Variants in TARP observed in about 807,000 individuals in gnomAD.
chr7:38,273,495 T>TG, the TARP span: 1 of 1,050,972 alleles, frequency 9.5e-7, no homozygotes, highest in Non-Finnish European at 1.4e-6. Context: ...CCATGATTAG[T>TG]GACCAAGGAG....
chr7:38,269,199 A>T, the TARP span, among the ~76,000 whole-genome samples: 1 of 151,742 alleles, frequency 6.6e-6, no homozygotes, highest in African/African-American at 2.4e-5. Flanking sequence ...TACCTGTCAT[A>T]ATACATTTGG....
the TARP span, among the ~76,000 whole-genome samples, chr7:38,266,884 CTTGA>C: frequency 6.6e-6 from 1 of 151,688 alleles, no homozygotes; most frequent in African/African-American, 2.4e-5. Context: ...TAAATTTTTT[CTTGA>C]TTATTTTCAG....
At chr7:38,269,045 T>C in the TARP span, among the ~76,000 whole-genome samples, 1 of 151,936 alleles carries the variant, frequency 6.6e-6, no homozygotes, top group Non-Finnish European at 1.5e-5. Context: ...GAATAATCAC[T>C]CAATTTCACT....
chr7:38,269,280 T>G, the TARP span, among the ~76,000 whole-genome samples: 1 of 151,952 alleles, frequency 6.6e-6, no homozygotes, highest in Non-Finnish European at 1.5e-5. Context: ...AGTCCGTATA[T>G]GCACAAAGCC....
chr7:38,262,715 G>T, the TARP span, among the ~76,000 whole-genome samples: 3 of 151,418 alleles, frequency 2.0e-5, no homozygotes, highest in Non-Finnish European at 4.4e-5. Flanking sequence ...ATAGTACGGT[G>T]TCATCACGGC....
the TARP span, chr7:38,269,397 C>T: frequency 1.5e-6 from 1 of 655,080 alleles, no homozygotes; most frequent in Non-Finnish European, 2.7e-6. Flanking sequence ...CATCCAATTC[C>T]TCTTTTTTCT....
chr7:38,273,531 C>T, the TARP span: 58 of 1,371,850 alleles, frequency 4.2e-5, no homozygotes, highest in Non-Finnish European at 5.5e-5. Context: ...TGAGCCAGCT[C>T]CTGCCTGCCA....
At chr7:38,266,905 T>C in the TARP span, among the ~76,000 whole-genome samples, 1 of 151,882 alleles carries the variant, frequency 6.6e-6, no homozygotes, top group Non-Finnish European at 1.5e-5. Context: ...TCAGAAATAC[T>C]CTTGTGTTAA....
the TARP span, among the ~76,000 whole-genome samples, chr7:38,262,651 T>C: frequency 2.6e-5 from 4 of 151,442 alleles, no homozygotes; most frequent in Non-Finnish European, 4.4e-5. Flanking sequence ...TTTGTTTGTT[T>C]GTTTGTTTGT....
At chr7:38,268,768 G>A in the TARP span, among the ~76,000 whole-genome samples, 8 of 151,860 alleles carry the variant, frequency 5.3e-5, no homozygotes, top group East Asian at 7.7e-4. Flanking sequence ...GTGAGCTGAT[G>A]TTGATAACCT....
At chr7:38,264,651 T>C in the TARP span, among the ~76,000 whole-genome samples, 3 of 151,626 alleles carry the variant, frequency 2.0e-5, no homozygotes, top group African/African-American at 7.3e-5. Context: ...ATTATAAAAC[T>C]GTAACTTCTC....
chr7:38,268,349 A>T, the TARP span, among the ~76,000 whole-genome samples: 8 of 151,652 alleles, frequency 5.3e-5, no homozygotes, highest in Admixed American at 1.3e-4. Context: ...TATCAACTAC[A>T]GTTTTTAGAG....
chr7:38,263,990 C>T, the TARP span, among the ~76,000 whole-genome samples: 27,746 of 136,882 alleles, frequency 0.2, no homozygotes, highest in African/African-American at 0.38. Flanking sequence ...ATGAAAATGA[C>T]TATCACTTAT....
chr7:38,263,773 T>C, the TARP span, among the ~76,000 whole-genome samples: 1 of 151,834 alleles, frequency 6.6e-6, no homozygotes, highest in Non-Finnish European at 1.5e-5. Flanking sequence ...ACGGATATGA[T>C]TCTGGTGCGC....
At chr7:38,270,979 A>T in the TARP span, among the ~76,000 whole-genome samples, 1 of 150,910 alleles carries the variant, frequency 6.6e-6, no homozygotes, top group African/African-American at 2.4e-5. Context: ...AATTAGTAAG[A>T]TGTATGTATT....
chr7:38,270,032 T>C, the TARP span, among the ~76,000 whole-genome samples: 2 of 151,638 alleles, frequency 1.3e-5, no homozygotes, highest in African/African-American at 4.8e-5. Context: ...AGCCTAGGAG[T>C]TCGAGGCTGC....
At chr7:38,271,005 CCTT>C in the TARP span, among the ~76,000 whole-genome samples, 1 of 150,358 alleles carries the variant, frequency 6.7e-6, no homozygotes, top group South Asian at 2.1e-4. Context: ...ACCTTTTTCT[CCTT>C]CTTTTGAGCA....
chr7:38,265,294 T>C, the TARP span: 2 of 1,324,066 alleles, frequency 1.5e-6, no homozygotes, highest in South Asian at 1.3e-5. Context: ...AAGGAAAAAA[T>C]GCAGCATTCA....
At chr7:38,264,929 G>A in the TARP span, among the ~76,000 whole-genome samples, 1 of 151,608 alleles carries the variant, frequency 6.6e-6, no homozygotes, top group Non-Finnish European at 1.5e-5. Flanking sequence ...TGAGGTGAGT[G>A]ACTCTCCTGC....
Sources: gnomAD v4.1 joint callset for allele counts (sites outside exome capture counted in the v4.1 genomes callset) on GRCh38, gnomAD v4.1.1 for gene constraint, MANE v1.5 for transcripts.